PAPOLG: variants seen among roughly 807,000 people sequenced by gnomAD.
PAPOLG encodes the protein poly(A) polymerase gamma.
A neutral mutation model predicts 99.0 loss-of-function variants in PAPOLG; 40 were observed. The observed-to-expected ratio is 0.40, with a 90% CI of 0.31 to 0.53. The LOEUF is 0.53. PAPOLG is among the 20% of genes least tolerant of loss of function. The pLI is 0.41. For synonymous variants in PAPOLG, 310 were observed against 299.3 expected, an observed-to-expected ratio of 1.04 and a Z score of -0.37; for missense variants, 675 against 884.1, an observed-to-expected ratio of 0.76 and a Z score of 3.00.
intron 1 of PAPOLG, among the ~76,000 whole-genome samples, chr2:60,759,377 AAG>A (rs1445111324): frequency 6.6e-6 from 1 of 152,052 alleles, no homozygotes; most frequent in African/African-American, 2.4e-5. Flanking sequence ...CAAAAAAAAA[AAG>A]AAAAAAAAGT....
At position 60,793,863 on chromosome 2, in the gene PAPOLG, A is replaced by C. The variant is rs910360300; in HGVS notation, c.1769-108A>C. ...GAAGTCAAGGCTGCAGTGAGCTGTG[A>C]TCAAGCCACTGCACTGCAGCCTGGG... On this transcript the variant is annotated intron_variant, in intron 18 of 21. Transcript: ENST00000238714. 2.1e-6 allele frequency: 3 copies of C among 1,410,452 alleles called. No individual in the cohort carries two copies. In the Admixed American group the frequency reaches 6.5e-5, roughly 30 times the overall value. 87.4% of individuals were successfully genotyped at this position (1,410,452 alleles called of 1,614,324 possible).
In PAPOLG at chr2:60,797,209, G is replaced by A; in HGVS notation, c.*49G>A. On this transcript the variant is annotated 3_prime_UTR_variant, in exon 22 of 22. Transcript: ENST00000238714. ...GAACAAGCAATCATTTAGTGGCATA[G>A]ATGCAGCCACTTGTTTTTTAAATAG... is the stretch of plus-strand genomic sequence containing the variant. 1 of 1,595,570 alleles carries A rather than the reference G, an allele frequency of 6.3e-7. No individual in the cohort carries two copies. Among genetic ancestry groups the A allele is most frequent in the South Asian group, 1.1e-5 (1 of 90,436 alleles).
At chr2:60,777,631 A>C (rs1671063302) in intron 8 of PAPOLG, among the ~76,000 whole-genome samples, 2 of 152,184 alleles carry the variant, frequency 1.3e-5, no homozygotes, top group Non-Finnish European at 2.9e-5. Context: ...AACTTTCAAC[A>C]TGCCTTTTTC....
At chr2:60,795,925 A>C (rs1303042296) in intron 21 of PAPOLG, among the ~76,000 whole-genome samples, 2 of 152,144 alleles carry the variant, frequency 1.3e-5, no homozygotes, top group African/African-American at 4.8e-5. Context: ...CAAAAGAGTG[A>C]AATGACATAT....
chr2:60,772,970 G>C (rs895211806), intron 7 of PAPOLG, among the ~76,000 whole-genome samples: 2 of 151,790 alleles, frequency 1.3e-5, no homozygotes, highest in Non-Finnish European at 2.9e-5. Context: ...CTGTTACCCA[G>C]GCTGGAGTGC....
chr2:60,768,338 G>A, intron 3 of PAPOLG, 132 bp from the exon 4 acceptor site: 2 of 788,722 alleles, frequency 2.5e-6, no homozygotes, highest in Non-Finnish European at 2.0e-6. Context: ...CTGACCTCAG[G>A]TGATCCACCG....
In PAPOLG at chr2:60,780,756, A is replaced by C. The variant is rs1180034383; in HGVS notation, c.883A>C (p.Asn295His). ...LLKQPEESNL[N>H]LPVWDPRVNP... ...GAAGCAACCAGAAGAAAGCAATTTGAATTTGCCTGTCTGGGATCCTCGGGT... is the reference window on the plus strand; with the variant it reads ...GAAGCAACCAGAAGAAAGCAATTTGCATTTGCCTGTCTGGGATCCTCGGGT... Residue 295 changes from asparagine to histidine, a missense_variant, in exon 10 of 22, where the codon AAT (asparagine) becomes CAT (histidine). Asn to His is a moderately conservative substitution (Grantham distance 68). This residue lies in a region of PAPOLG where 113 missense variants were observed against 231.5 expected (regional missense o/e 0.49). Coordinates refer to ENST00000238714, the MANE Select transcript of PAPOLG (RefSeq NM_022894.4). 9.3e-6 allele frequency: 15 copies of C among 1,613,918 alleles called. No homozygotes were observed. Among genetic ancestry groups the C allele is most frequent in the Non-Finnish European group, 1.3e-5 (15 of 1,179,806 alleles).
At chr2:60,770,161 G>A (rs1670807496) in intron 5 of PAPOLG, among the ~76,000 whole-genome samples, 1 of 152,022 alleles carries the variant, frequency 6.6e-6, no homozygotes, top group Non-Finnish European at 1.5e-5. Context: ...ATTTTTAGAG[G>A]GATAATAAAT....
chr2:60,792,295 T>C lies in PAPOLG; in HGVS notation c.1679+6T>C. The C allele has an allele frequency of 6.3e-7, 1 of 1,589,378 alleles. No individual in the cohort carries two copies. Among genetic ancestry groups the C allele is most frequent in the Non-Finnish European group, 8.5e-7 (1 of 1,170,370 alleles). On this transcript the variant is annotated splice_donor_region_variant and intron_variant, in intron 17 of 21. Coordinates refer to ENST00000238714, the MANE Select transcript of PAPOLG (RefSeq NM_022894.4). The stretch of plus-strand genomic sequence containing the variant: ...TCTGTAGGAGAAACAGAAAGGTCTG[T>C]CTTTATTTCAAATGTGTCCTTTTGG...
In PAPOLG at chr2:60,795,093, C is replaced by T. The variant is rs76730759; in HGVS notation, c.2112+73C>T. The T allele has an allele frequency of 4.5e-4, 586 of 1,294,804 alleles. 3 individuals carry two copies. The East Asian group carries it at 0.012, about 26-fold the overall frequency. The allele number at this position is 1,294,804 out of a possible 1,614,324, so 80.2% of individuals were successfully genotyped here. On this transcript the variant is annotated intron_variant, in intron 21 of 21. Transcript: ENST00000238714. ...ATAGGTAATCTACAAGTACAAAAGG[C>T]TTATTAAGAGCCTAGCACTGGGAAA...
chr2:60,782,486 G>A (rs905722505), intron 11 of PAPOLG, among the ~76,000 whole-genome samples, 200 bp from the exon 12 acceptor site: 25 of 151,760 alleles, frequency 1.6e-4, no homozygotes, highest in Admixed American at 1.6e-3. Context: ...GAACCCAGGA[G>A]GTAGAGGTTG....
intron 6 of PAPOLG, among the ~76,000 whole-genome samples, chr2:60,770,926 AT>A (rs1670835156): frequency 6.6e-6 from 1 of 152,258 alleles, no homozygotes; most frequent in Non-Finnish European, 1.5e-5. Flanking sequence ...CCTGGCCCAT[AT>A]TTTTAATTTC....
At chr2:60,788,620 G>C (rs879763590) in intron 15 of PAPOLG, among the ~76,000 whole-genome samples, 2 of 152,110 alleles carry the variant, frequency 1.3e-5, no homozygotes, top group Admixed American at 6.6e-5. Context: ...TCGCCTGGCT[G>C]AATGTTATCT....
intron 3 of PAPOLG, among the ~76,000 whole-genome samples, chr2:60,762,905 C>T (rs1022508549): frequency 1.3e-5 from 2 of 150,950 alleles, no homozygotes; most frequent in African/African-American, 2.4e-5. Flanking sequence ...GGGATTACAG[C>T]CTCGAGCCAC....
intron 14 of PAPOLG, among the ~76,000 whole-genome samples, 165 bp downstream of exon 14, chr2:60,787,231 A>C (rs1282927967): frequency 1.3e-5 from 2 of 152,180 alleles, no homozygotes; most frequent in Non-Finnish European, 2.9e-5. Flanking sequence ...GTACATAACT[A>C]CTTTGGTAGC....
At chr2:60,795,499 A>G (rs180864382) in intron 21 of PAPOLG, among the ~76,000 whole-genome samples, 6 of 152,274 alleles carry the variant, frequency 3.9e-5, no homozygotes, top group Admixed American at 3.9e-4. Context: ...AATGTTTATT[A>G]TTTGAAGAAT....
chr2:60,775,890 A>C (rs1379741970), intron 8 of PAPOLG, among the ~76,000 whole-genome samples: 5 of 152,068 alleles, frequency 3.3e-5, no homozygotes, highest in Admixed American at 6.6e-5. Context: ...CAGCCTACCA[A>C]GTAGCTGGGA....
chr2:60,763,859 A>C (rs1286018955), intron 3 of PAPOLG, among the ~76,000 whole-genome samples: 1 of 152,022 alleles, frequency 6.6e-6, no homozygotes, highest in African/African-American at 2.4e-5. Flanking sequence ...GCTGCAGTGC[A>C]GTGGCGTAAT....
chr2:60,782,834 A>C, intron 12 of PAPOLG, 64 bp downstream of exon 12: 1 of 1,475,198 alleles, frequency 6.8e-7, no homozygotes, highest in Non-Finnish European at 9.0e-7. Context: ...AATGTTAAAC[A>C]TAGTTAATAT....
Sources: gnomAD v4.1 joint callset for allele counts (sites outside exome capture counted in the v4.1 genomes callset) on GRCh38, gnomAD v4.1.1 for gene constraint, gnomAD v4.1.1 regional missense constraint, MANE v1.5 for transcripts, NCBI Gene and HGNC (gene_info 2026-07-23, HGNC 2026-07-21) for gene names.